The following FKBP14 variants were observed in gnomAD, a reference collection of about 807,000 sequenced individuals.
FKBP14 encodes the protein FKBP prolyl isomerase 14, also known as peptidyl-prolyl cis-trans isomerase FKBP14.
Under a neutral mutation model 21.6 loss-of-function variants are expected in FKBP14, and 20 were observed. The ratio of observed to expected loss-of-function variants is 0.92; its 90% confidence interval spans 0.65 to 1.34. The LOEUF is 1.34. Among genes scored for constraint, FKBP14 ranks in the 40% most tolerant of loss-of-function variants. The probability of loss-of-function intolerance (pLI) is 0.00; values close to 1 mark genes in which losing one functional copy is unlikely to be tolerated. For missense variants in FKBP14, 253 were observed against 249.0 expected, an observed-to-expected ratio of 1.02 and a Z score of -0.11; for synonymous variants, 79 against 86.7, an observed-to-expected ratio of 0.91 and a Z score of 0.49.
At chr7:30,006,698 C>T (rs1464803195), downstream of FKBP14, among the ~76,000 whole-genome samples, 2 of 152,122 alleles carry the variant, frequency 1.3e-5, no homozygotes, top group Non-Finnish European at 2.9e-5. Flanking sequence ...CATCATTCTC[C>T]CTGGCTGCAT....
rs183957542 is a variant in FKBP14, at chr7:30,016,313, G to A, written c.478-1420C>T. Among the ~76,000 whole-genome samples, 182 of 152,274 alleles carry A rather than the reference G, an allele frequency of 1.2e-3. 1 individual carries two copies. The highest frequency in any genetic ancestry group is 4.2e-3 in the African/African-American group (176 of 41,570). On this transcript the variant is annotated intron_variant, in intron 3 of 3. Transcript: ENST00000222803. ...GGTTATGATCATGTGATTAGATTGA[G>A]TCTAATCACAACCTTTCAATCTCAG...
rs946569362 is a variant in FKBP14 at position 30,026,663 on chromosome 7, T to C, written c.-155A>G. ...GACGTGGCACATTTACCACCAACTC[T>C]TTTCTCAAGGGTCACGAACCTACCT... On this transcript the variant is annotated 5_prime_UTR_variant, in exon 1 of 4. Transcript: ENST00000222803. 8 of 642,298 alleles carry C rather than the reference T, an allele frequency of 1.2e-5. No individual in the cohort carries two copies. The highest frequency in any genetic ancestry group is 2.1e-5 in the Non-Finnish European group (8 of 386,632). 39.8% of individuals were successfully genotyped at this position (642,298 alleles called of 1,614,324 possible). A position where few individuals can be genotyped will look rare whatever the true frequency, so the allele number is the denominator to read the frequency against.
At chr7:30,023,789 A>G (rs148460111) in intron 1 of FKBP14, among the ~76,000 whole-genome samples, 294 of 152,298 alleles carry the variant, frequency 1.9e-3, no homozygotes, top group African/African-American at 6.7e-3. Flanking sequence ...TAAAACCATC[A>G]GATCTCGTGA....
chr7:30,023,528 G>T (rs1315353976), intron 1 of FKBP14, among the ~76,000 whole-genome samples: 1 of 152,164 alleles, frequency 6.6e-6, no homozygotes, highest in African/African-American at 2.4e-5. Context: ...TCCTCCTCAG[G>T]GGTCTACAGT....
chr7:30,022,595 C>T, intron 2 of FKBP14, 70 bp downstream of exon 2: 1 of 1,486,318 alleles, frequency 6.7e-7, no homozygotes, highest in Non-Finnish European at 9.0e-7. Context: ...TATAGTGACT[C>T]TAACTTCTGT....
rs1390347567 is a variant in FKBP14 at position 30,014,639 on chromosome 7, A to G, written c.*96T>C. The G allele has an allele frequency of 1.2e-6, 1 of 842,684 alleles. No homozygotes were observed. Among genetic ancestry groups the G allele is most frequent in the Non-Finnish European group, 1.6e-6 (1 of 624,778 alleles). 52.2% of individuals were successfully genotyped at this position (842,684 alleles called of 1,614,324 possible). ...AAAAAATATATAAAAATAAAAAACA[A>G]AGCAAGAAAGAACATTGTATAAAAA... is the stretch of plus-strand genomic sequence containing the variant. On this transcript the variant is annotated 3_prime_UTR_variant, in exon 4 of 4. Coordinates refer to ENST00000222803, the MANE Select transcript of FKBP14 (RefSeq NM_017946.4).
At chr7:30,022,217 C>A (rs144594814) in intron 2 of FKBP14, among the ~76,000 whole-genome samples, 1 of 152,246 alleles carries the variant, frequency 6.6e-6, no homozygotes, top group Non-Finnish European at 1.5e-5. Context: ...CAAACACTTA[C>A]GTTAATGGAT....
chr7:30,023,854 C>T (rs1033999165), intron 1 of FKBP14, among the ~76,000 whole-genome samples: 3 of 152,122 alleles, frequency 2.0e-5, no homozygotes, highest in Non-Finnish European at 4.4e-5. Context: ...CCTCATGATT[C>T]GATTACCTCC....
intron 1 of FKBP14, among the ~76,000 whole-genome samples, chr7:30,023,071 C>A (rs1262744931): frequency 6.7e-6 from 1 of 148,158 alleles, no homozygotes; most frequent in Admixed American, 6.8e-5. Flanking sequence ...AAAACAACAA[C>A]CATTTGAACA....
intron 3 of FKBP14, among the ~76,000 whole-genome samples, chr7:30,018,722 T>G (rs1428681535): frequency 6.6e-6 from 1 of 152,202 alleles, no homozygotes; most frequent in African/African-American, 2.4e-5. Context: ...TAAGATACAG[T>G]GAACCCTAAG....
In FKBP14 at chr7:30,019,100, G is replaced by A. The variant is rs1789964892; in HGVS notation, c.373C>T (p.Leu125=). The part of the protein sequence containing the change: ...GKGKIPPEST[L]IFNIDLLEIR... ...TCCAGGAGATCAATATTAAATATCA[G>A]TGTACTTTCTGGGGGAATTTTACCT... Residue 125 remains leucine, a synonymous_variant, in exon 3 of 4, where the codon CTG becomes TTG. Coordinates refer to ENST00000222803, the MANE Select transcript of FKBP14 (RefSeq NM_017946.4). 4 of 1,580,756 alleles carry A rather than the reference G, an allele frequency of 2.5e-6. No homozygotes were observed. Among genetic ancestry groups the A allele is most frequent in the Non-Finnish European group, 3.4e-6 (4 of 1,170,056 alleles).
chr7:30,022,768 C>T lies in FKBP14; in HGVS notation c.246G>A (p.Leu82=), dbSNP rs188844900. 3.6e-5 allele frequency: 58 copies of T among 1,614,108 alleles called. No individual in the cohort carries two copies. The East Asian group carries it at 1.2e-3, about 33-fold the overall frequency. ...GQPIWFTLGI[L]EALKGWDQGL... ...CCTGGTCCCAACCTTTGAGAGCCTC[C>T]AGGATGCCCAGGGTAAACCAAATGG... The change falls in exon 2 of 4, where the codon CTG becomes CTA. Residue 82 remains leucine, a synonymous_variant. Transcript: ENST00000222803.
chr7:30,010,117 A>C (rs972458618), downstream of FKBP14, among the ~76,000 whole-genome samples: 1 of 152,216 alleles, frequency 6.6e-6, no homozygotes, highest in African/African-American at 2.4e-5. Flanking sequence ...TAGATTCTTC[A>C]TCTGAATCAG....
intron 2 of FKBP14, among the ~76,000 whole-genome samples, chr7:30,022,050 T>G (rs1051118583): frequency 2.0e-5 from 3 of 152,224 alleles, no homozygotes; most frequent in African/African-American, 7.2e-5. Context: ...TTAAATACAT[T>G]GTTAAAAACT....
At chr7:30,024,274 A>C (rs144301686) in intron 1 of FKBP14, among the ~76,000 whole-genome samples, 294 of 152,348 alleles carry the variant, frequency 1.9e-3, no homozygotes, top group African/African-American at 6.6e-3. Context: ...ATGAAAAAAG[A>C]AGCAGGAAAC....
Position 30,026,510 on chromosome 7 carries a change from T to C in FKBP14, c.-2A>G, listed in dbSNP as rs764648468. 6.2e-7 allele frequency: 1 copy of C among 1,604,916 alleles called. No individual in the cohort carries two copies. Among genetic ancestry groups the C allele is most frequent in the Non-Finnish European group, 8.5e-7 (1 of 1,176,126 alleles). On this transcript the variant is annotated 5_prime_UTR_variant, in exon 1 of 4. Transcript: ENST00000222803. Reference sequence around the variant, plus strand: ...CGCGTTCCACAAGAAAAGCCTCATGTTGCTGAAGCAAGGAAAGAAGTCCCT... The same window carrying C: ...CGCGTTCCACAAGAAAAGCCTCATGCTGCTGAAGCAAGGAAAGAAGTCCCT...
chr7:30,020,875 A>G (rs1790013383), intron 2 of FKBP14, among the ~76,000 whole-genome samples: 1 of 152,244 alleles, frequency 6.6e-6, no homozygotes, highest in South Asian at 2.1e-4. Flanking sequence ...GACTAAAAGA[A>G]GAATTGAATT....
chr7:30,025,440 C>G (rs143319221), intron 1 of FKBP14: 2 of 152,352 alleles, frequency 1.3e-5, no homozygotes, highest in African/African-American at 4.8e-5. Flanking sequence ...TTTGCGTCTC[C>G]AGGACCTGAC....
downstream of FKBP14, among the ~76,000 whole-genome samples, chr7:30,007,451 GC>G (rs2127943790): frequency 6.6e-6 from 1 of 152,092 alleles, no homozygotes; most frequent in South Asian, 2.1e-4. Context: ...CTCGTGATCT[GC>G]CCGCCTTGGC....
Sources: allele counts gnomAD v4.1 joint callset (sites outside exome capture counted in the v4.1 genomes callset), GRCh38; gene constraint gnomAD v4.1.1; transcripts MANE v1.5; gene names NCBI Gene and HGNC (gene_info 2026-07-23, HGNC 2026-07-21).